RGS9: variants seen among roughly 807,000 people sequenced by gnomAD.
RGS9 encodes the protein regulator of G protein signaling 9.
A neutral mutation model predicts 102.0 loss-of-function variants in RGS9; 78 were observed. The ratio of observed to expected loss-of-function variants is 0.76; its 90% CI spans 0.64 to 0.92. RGS9 has a LOEUF of 0.92. Among genes scored for constraint, RGS9 ranks in the 40% least tolerant of loss-of-function variants. The pLI is 0.00. For synonymous variants in RGS9, 353 were observed against 318.6 expected, an observed-to-expected ratio of 1.11 and a Z score of -1.15; for missense variants, 833 against 866.1, an observed-to-expected ratio of 0.96 and a Z score of 0.48.
intron 18 of RGS9, 120 bp from the exon 19 acceptor site, chr17:65,227,155 C>T: frequency 7.2e-7 from 1 of 1,392,568 alleles, no homozygotes; most frequent in Non-Finnish European, 1.0e-6. Flanking sequence ...CCTGCCCCCA[C>T]CACAGTCTTT....
At position 65,220,449 on chromosome 17, in the gene RGS9, C is replaced by T. The variant is rs368704966; in HGVS notation, c.1408-4553C>T. On this transcript the variant is annotated intron_variant, in intron 17 of 18. Transcript: ENST00000262406. ...GGAGTTTCATGGCTGAAGTAAGGGT[C>T]GTTGCTAACTGAGAAGGTCTTGTGC... Among the ~76,000 whole-genome samples, 10 of 152,048 alleles carry T rather than the reference C, an allele frequency of 6.6e-5. No individual in the cohort carries two copies. The East Asian group carries it at 7.7e-4, about 12-fold the overall frequency.
rs1912871548 is a variant in RGS9, at chr17:65,202,091, G to A, written c.1064+11G>A. 6.3e-7 allele frequency: 1 copy of A among 1,599,818 alleles called. No individual in the cohort carries two copies. The highest frequency in any genetic ancestry group is 8.6e-7 in the Non-Finnish European group (1 of 1,167,318). On this transcript the variant is annotated intron_variant, in intron 14 of 18. Transcript: ENST00000262406. ...AGAGGAGATTTACAAGTGAGCATCA[G>A]CCAGGGTGCTGGAAAGCCTTCCCTT... is the stretch of plus-strand genomic sequence containing the variant.
chr17:65,172,777 G>A (rs773912901), intron 8 of RGS9, among the ~76,000 whole-genome samples: 1 of 152,068 alleles, frequency 6.6e-6, no homozygotes, highest in African/African-American at 2.4e-5. Flanking sequence ...GGGGCTCTGC[G>A]TCCGGTTGGG....
intron 4 of RGS9, 29 bp downstream of exon 4, chr17:65,160,368 C>T (rs1316907574): frequency 1.3e-6 from 2 of 1,580,944 alleles, no homozygotes; most frequent in African/African-American, 1.3e-5. Context: ...CCTGGCTGTT[C>T]ATATGGGGTT....
At chr17:65,189,256 G>A in intron 9 of RGS9, 30 bp from the exon 10 acceptor site, 1 of 1,601,778 alleles carries the variant, frequency 6.2e-7, no homozygotes, top group African/African-American at 1.3e-5. Flanking sequence ...CATGACATCT[G>A]CCTAACGGTT....
rs1172552038 is a variant in RGS9, at chr17:65,227,324, A to T, written c.1942A>T (p.Met648Leu). The T allele has an allele frequency of 2.5e-6, 4 of 1,614,016 alleles. No homozygotes were observed. The African/African-American group carries it at 5.3e-5, about 22-fold the overall frequency. The change falls in exon 19 of 19, where the codon ATG becomes TTG. Residue 648 changes from methionine (M) to leucine (L), a missense_variant. Transcript: ENST00000262406. ...GCCCACGGGGAGCGGGACCTGCTTG[A>T]TGGACTCGGAGGATGCTGGAACAGG... ...DVPTGSGTCL[M>L]DSEDAGTGES... is the part of the protein sequence containing the mutation.
At chr17:65,207,774 A>G (rs1913125214) in intron 15 of RGS9, 148 bp from the exon 16 acceptor site, 1 of 596,130 alleles carries the variant, frequency 1.7e-6, no homozygotes, top group Non-Finnish European at 3.1e-6. Flanking sequence ...TGCTCTCAAC[A>G]CCTCCCCCAA....
intron 8 of RGS9, among the ~76,000 whole-genome samples, chr17:65,175,941 T>C (rs919374173): frequency 6.6e-6 from 1 of 152,252 alleles, no homozygotes; most frequent in African/African-American, 2.4e-5. Context: ...AGAAATTATT[T>C]GCCATTTATC....
chr17:65,143,214 A>G (rs1910223748), intron 1 of RGS9, among the ~76,000 whole-genome samples: 1 of 152,106 alleles, frequency 6.6e-6, no homozygotes, highest in Admixed American at 6.6e-5. Context: ...ATGCTGCTAA[A>G]CATCCTACAA....
intron 17 of RGS9, among the ~76,000 whole-genome samples, chr17:65,213,670 C>A (rs148438695): frequency 1.3e-5 from 2 of 152,024 alleles, no homozygotes; most frequent in Non-Finnish European, 2.9e-5. Context: ...TTGTCTCACT[C>A]GCCACAGGTT....
rs1254451463 is a variant in RGS9 at position 65,160,597 on chromosome 17, T to G, written c.364+10T>G. On this transcript the variant is annotated intron_variant, in intron 5 of 18. Coordinates refer to ENST00000262406, the MANE Select transcript of RGS9 (RefSeq NM_003835.4). Reference sequence around the variant, plus strand: ...GAAGATACCGATTACGGTAAATACTTCAGCCCCAACTATGCCTTTGGTAGT... The same window carrying G: ...GAAGATACCGATTACGGTAAATACTGCAGCCCCAACTATGCCTTTGGTAGT... 1 of 1,614,006 alleles carries G rather than the reference T, an allele frequency of 6.2e-7. No individual in the cohort carries two copies. The highest frequency in any genetic ancestry group is 8.5e-7 in the Non-Finnish European group (1 of 1,179,864).
chr17:65,208,161 C>A, intron 16 of RGS9, 154 bp downstream of exon 16: 1 of 649,594 alleles, frequency 1.5e-6, no homozygotes, highest in South Asian at 1.5e-5. Flanking sequence ...GCCTCATTTG[C>A]TTCATAATGC....
rs1063952 is a variant in RGS9, at chr17:65,227,451, C to T, written c.*44C>T. The T allele has an allele frequency of 6.3e-7, 1 of 1,588,520 alleles. No homozygotes were observed. Among genetic ancestry groups the T allele is most frequent in the Non-Finnish European group, 8.6e-7 (1 of 1,166,788 alleles). ...CTGGGGGCTCTGGACCAGGAAGATG[C>T]TCTGACAGATGCCATGGTATGGGCC... On this transcript the variant is annotated 3_prime_UTR_variant, in exon 19 of 19. Transcript: ENST00000262406.
intron 7 of RGS9, among the ~76,000 whole-genome samples, chr17:65,163,857 T>C (rs568154129): frequency 6.6e-6 from 1 of 152,244 alleles, no homozygotes; most frequent in African/African-American, 2.4e-5. Context: ...TAGGAAGATG[T>C]GAACTAGAGA....
intron 8 of RGS9, among the ~76,000 whole-genome samples, chr17:65,170,333 G>A (rs1381739777): frequency 1.3e-5 from 2 of 152,100 alleles, no homozygotes; most frequent in Admixed American, 6.5e-5. Context: ...GATTACAGGC[G>A]TGAGCCACCG....
intron 17 of RGS9, among the ~76,000 whole-genome samples, chr17:65,224,732 G>T (rs894726451): frequency 6.6e-6 from 1 of 152,196 alleles, no homozygotes. Flanking sequence ...CTGGAAGAAG[G>T]TCAGTTCATG....
intron 7 of RGS9, among the ~76,000 whole-genome samples, chr17:65,167,129 C>T (rs542834159): frequency 6.2e-4 from 94 of 152,202 alleles, no homozygotes; most frequent in African/African-American, 2.0e-3. Flanking sequence ...GAAGGCCCTG[C>T]GTCATTTCCC....
intron 18 of RGS9, among the ~76,000 whole-genome samples, chr17:65,226,062 C>T (rs1230463761): frequency 6.6e-6 from 1 of 152,198 alleles, no homozygotes; most frequent in African/African-American, 2.4e-5. Flanking sequence ...TGAGGGGGGG[C>T]CCCTCTAAAC....
intron 2 of RGS9, 94 bp downstream of exon 2, chr17:65,153,612 C>A: frequency 9.4e-7 from 1 of 1,066,020 alleles, no homozygotes; most frequent in Non-Finnish European, 1.5e-6. Context: ...TTATTTTTGG[C>A]CAGGTGCAGT....
Sources: gnomAD v4.1 joint callset for allele counts (sites outside exome capture counted in the v4.1 genomes callset) on GRCh38, gnomAD v4.1.1 for gene constraint, MANE v1.5 for transcripts, NCBI Gene and HGNC (gene_info 2026-07-23, HGNC 2026-07-21) for gene names.